The following PBX1 variants were observed in gnomAD, a reference collection of about 807,000 sequenced individuals.
PBX1 encodes PBX homeobox 1.
PBX1 carries 6 observed loss-of-function variants against 53.4 expected under a neutral mutation model. The observed-to-expected ratio is 0.11, with a 90% CI of 0.06 to 0.22. The LOEUF (loss-of-function observed/expected upper bound fraction) is 0.22, where lower values mean the gene tolerates loss of function less well. PBX1 is among the 10% of genes least tolerant of loss of function. The probability of loss-of-function intolerance (pLI) is 1.00; values close to 1 mark genes in which losing one functional copy is unlikely to be tolerated. For synonymous variants in PBX1, 204 were observed against 212.3 expected, an observed-to-expected ratio of 0.96 and a Z score of 0.34; for missense variants, 251 against 551.4, an observed-to-expected ratio of 0.46 and a Z score of 5.46.
intron 2 of PBX1, among the ~76,000 whole-genome samples, chr1:164,600,056 A>G (rs1656050975): frequency 6.6e-6 from 1 of 152,150 alleles, no homozygotes. Context: ...AATGTTGAGT[A>G]CTTTAAATAT....
intron 2 of PBX1, among the ~76,000 whole-genome samples, chr1:164,633,867 CA>C (rs1487995475): frequency 6.6e-6 from 1 of 152,210 alleles, no homozygotes; most frequent in Non-Finnish European, 1.5e-5. Flanking sequence ...GTGCCTGGTG[CA>C]TGTTAAGCCT....
chr1:164,781,285 T>C (rs1239703542), intron 2 of PBX1, among the ~76,000 whole-genome samples: 1 of 152,178 alleles, frequency 6.6e-6, no homozygotes, highest in Non-Finnish European at 1.5e-5. Flanking sequence ...AGAATTCTGC[T>C]TCCACTAAAG....
chr1:164,861,376 C>G (rs1385076740), intron 2 of PBX1, among the ~76,000 whole-genome samples: 1 of 152,140 alleles, frequency 6.6e-6, no homozygotes, highest in African/African-American at 2.4e-5. Context: ...CCTAATTGTT[C>G]TTGAGATGAT....
intron 2 of PBX1, among the ~76,000 whole-genome samples, chr1:164,731,104 T>C (rs1403738624): frequency 6.6e-6 from 1 of 152,188 alleles, no homozygotes; most frequent in Non-Finnish European, 1.5e-5. Context: ...CATGCATGCA[T>C]GTGCACACTT....
chr1:164,679,367 C>T (rs926043612), intron 2 of PBX1, among the ~76,000 whole-genome samples: 1 of 152,140 alleles, frequency 6.6e-6, no homozygotes, highest in Non-Finnish European at 1.5e-5. Context: ...GTGGACATCA[C>T]AGTGGGAGCA....
Position 164,848,346 on chromosome 1 carries a change from A to G in PBX1, c.*1670A>G, listed in dbSNP as rs1394391502. The G allele has an allele frequency of 1.9e-6, 2 of 1,057,112 alleles. No homozygotes were observed. Among genetic ancestry groups the G allele is most frequent in the Non-Finnish European group, 2.3e-6 (2 of 874,262 alleles). 65.5% of individuals were successfully genotyped at this position (1,057,112 alleles called of 1,614,324 possible). A position where few individuals can be genotyped will look rare whatever the true frequency, so the allele number is the denominator to read the frequency against. On this transcript the variant is annotated 3_prime_UTR_variant, in exon 9 of 9. Transcript: ENST00000420696. ...AGGTGGTCAAATATTTTGGTGCCTC[A>G]TTTTCTTCATCTGTGAGATGGGAAC...
At chr1:164,702,687 G>A (rs1033988658) in intron 2 of PBX1, among the ~76,000 whole-genome samples, 2 of 151,348 alleles carry the variant, frequency 1.3e-5, no homozygotes, top group African/African-American at 4.9e-5. Context: ...AAAATGAAAG[G>A]GGGAGGTGGT....
chr1:164,695,149 T>G (rs1662733084), intron 2 of PBX1, among the ~76,000 whole-genome samples: 1 of 152,238 alleles, frequency 6.6e-6, no homozygotes, highest in South Asian at 2.1e-4. Flanking sequence ...TTATTTAAAA[T>G]TTTAAGCTAA....
intron 4 of PBX1, 87 bp downstream of exon 4, chr1:164,799,976 AG>A: frequency 7.9e-7 from 1 of 1,259,350 alleles, no homozygotes. Flanking sequence ...TTCAGGCTCT[AG>A]TTTCACCCCA....
chr1:164,691,539 G>A (rs1662488445), intron 2 of PBX1, among the ~76,000 whole-genome samples: 1 of 152,124 alleles, frequency 6.6e-6, no homozygotes, highest in Admixed American at 6.5e-5. Flanking sequence ...CTTATAGACA[G>A]ACCCATTCTC....
intron 2 of PBX1, among the ~76,000 whole-genome samples, chr1:164,765,816 G>A (rs1351841778): frequency 6.6e-6 from 1 of 152,168 alleles, no homozygotes; most frequent in Non-Finnish European, 1.5e-5. Flanking sequence ...GTCACTGTGA[G>A]TCAGATACTC....
chr1:164,706,814 T>G (rs1663450838), intron 2 of PBX1, among the ~76,000 whole-genome samples: 1 of 152,202 alleles, frequency 6.6e-6, no homozygotes, highest in South Asian at 2.1e-4. Flanking sequence ...TGAAGTCTTG[T>G]TAACTTCCTG....
At chr1:164,668,241 T>C (rs1660916483) in intron 2 of PBX1, among the ~76,000 whole-genome samples, 1 of 152,148 alleles carries the variant, frequency 6.6e-6, no homozygotes, top group Admixed American at 6.5e-5. Context: ...GACCGGTCTT[T>C]CCTAGGAAGA....
Position 164,677,349 on chromosome 1 carries a change from C to T in PBX1, c.265+114038C>T, listed in dbSNP as rs578261051. Among the ~76,000 whole-genome samples the T allele has an allele frequency of 4.8e-3, 723 of 151,910 alleles. 5 individuals are homozygous for T. Among genetic ancestry groups the T allele is most frequent in the Non-Finnish European group, 7.9e-3 (538 of 67,988 alleles). On this transcript the variant is annotated intron_variant, in intron 2 of 8. Transcript: ENST00000420696. Reference sequence around the variant, plus strand: ...CCTCATGATCCACCCGCCTCGGCCTCCCAAAGTGCTGGGATTACAGGCGTG... The same window carrying T: ...CCTCATGATCCACCCGCCTCGGCCTTCCAAAGTGCTGGGATTACAGGCGTG...
intron 2 of PBX1, among the ~76,000 whole-genome samples, chr1:164,569,633 G>A (rs1437030986): frequency 2.2e-5 from 3 of 133,948 alleles, no homozygotes; most frequent in African/African-American, 8.7e-5. Flanking sequence ...GTGCAGTGGC[G>A]TGATCTCGGC....
At chr1:164,773,770 G>A (rs1287025733) in intron 2 of PBX1, among the ~76,000 whole-genome samples, 3 of 152,148 alleles carry the variant, frequency 2.0e-5, no homozygotes, top group African/African-American at 7.2e-5. Context: ...CTCTCCAAGT[G>A]TACTGGAAAG....
At chr1:164,883,228 A>T (rs1672703417) in intron 2 of PBX1, among the ~76,000 whole-genome samples, 1 of 152,088 alleles carries the variant, frequency 6.6e-6, no homozygotes. Context: ...ATTCCACAAG[A>T]CCCAATTCTA....
At chr1:164,808,886 G>T (rs1669476209) in intron 5 of PBX1, among the ~76,000 whole-genome samples, 1 of 152,134 alleles carries the variant, frequency 6.6e-6, no homozygotes, top group Non-Finnish European at 1.5e-5. Flanking sequence ...TTCCTTAGGT[G>T]CTTTGACCCA....
At chr1:164,638,728 C>A (rs111633878) in intron 2 of PBX1, among the ~76,000 whole-genome samples, 1 of 152,178 alleles carries the variant, frequency 6.6e-6, no homozygotes, top group African/African-American at 2.4e-5. Context: ...CAGCTCTGAC[C>A]GTCACCGTCA....
Sources: allele counts gnomAD v4.1 joint callset (sites outside exome capture counted in the v4.1 genomes callset), GRCh38; gene constraint gnomAD v4.1.1; transcripts MANE v1.5; gene names NCBI Gene and HGNC (gene_info 2026-07-23, HGNC 2026-07-21).